Variants in TANC1 observed in about 807,000 individuals in gnomAD.
TANC1 encodes tetratricopeptide repeat, ankyrin repeat and coiled-coil containing 1.
In TANC1, 77 loss-of-function variants were observed where a neutral mutation model predicts 149.7. The ratio of observed to expected loss-of-function variants is 0.51; its 90% CI spans 0.43 to 0.62. The LOEUF is 0.62. TANC1 is among the 20% of genes least tolerant of loss of function. The probability of loss-of-function intolerance (pLI) is 0.00; values close to 1 mark genes in which losing one functional copy is unlikely to be tolerated. For missense variants in TANC1, 1,985 were observed against 2,321.8 expected (o/e 0.85, Z 2.98); for synonymous variants, 854 against 925.0 (o/e 0.92, Z 1.39).
chr2:158,993,855 T>G (rs1385161584), intron 1 of TANC1, among the ~76,000 whole-genome samples: 1 of 152,218 alleles, frequency 6.6e-6, no homozygotes, highest in Non-Finnish European at 1.5e-5. Flanking sequence ...TGAATTGCCT[T>G]TATTCCATAA....
At chr2:159,030,823 C>T (rs1012578587) in intron 2 of TANC1, among the ~76,000 whole-genome samples, 7 of 152,068 alleles carry the variant, frequency 4.6e-5, no homozygotes, top group African/African-American at 9.7e-5. Flanking sequence ...CTAATGCATC[C>T]GGAGGCACTG....
At chr2:159,101,635 C>T (rs567036072) in intron 4 of TANC1, among the ~76,000 whole-genome samples, 2 of 152,126 alleles carry the variant, frequency 1.3e-5, no homozygotes, top group Admixed American at 6.5e-5. Flanking sequence ...TAAAGTAGTT[C>T]TGTGGCAGTT....
intron 4 of TANC1, among the ~76,000 whole-genome samples, chr2:159,134,627 C>T (rs551353458): frequency 1.3e-5 from 2 of 152,122 alleles, no homozygotes; most frequent in East Asian, 1.9e-4. Context: ...GGATTACAGG[C>T]GCCCACTACC....
At chr2:159,094,527 G>C (rs1339456942) in intron 3 of TANC1, among the ~76,000 whole-genome samples, 2 of 152,178 alleles carry the variant, frequency 1.3e-5, no homozygotes, top group East Asian at 3.9e-4. Context: ...AGGGCATCCG[G>C]CTCCACTGCG....
chr2:159,106,926 C>G (rs2149993795), intron 4 of TANC1, among the ~76,000 whole-genome samples: 1 of 152,346 alleles, frequency 6.6e-6, no homozygotes, highest in South Asian at 2.1e-4. Flanking sequence ...ATTCTGAATA[C>G]AGATTCCTTA....
intron 11 of TANC1, among the ~76,000 whole-genome samples, chr2:159,173,303 G>A (rs1575089225): frequency 6.6e-6 from 1 of 152,038 alleles, no homozygotes; most frequent in Admixed American, 6.6e-5. Flanking sequence ...AAAAATTGTG[G>A]CTCTAAATTG....
intron 1 of TANC1, among the ~76,000 whole-genome samples, chr2:158,996,956 T>G (rs984007391): frequency 6.8e-6 from 1 of 147,810 alleles, no homozygotes; most frequent in Admixed American, 6.8e-5. Flanking sequence ...GTGTTGGGAG[T>G]GGGGCACTGA....
rs879276203 is a variant in TANC1 at position 159,063,794 on chromosome 2, G to T, written c.-15-2102G>T. Among the ~76,000 whole-genome samples the T allele has an allele frequency of 5.9e-4, 90 of 152,250 alleles. 1 individual carries two copies. The highest frequency in any genetic ancestry group is 1.2e-3 in the South Asian group (6 of 4,816). On this transcript the variant is annotated intron_variant, in intron 2 of 26. Coordinates refer to ENST00000263635, the MANE Select transcript of TANC1 (RefSeq NM_033394.3). ...GAGTGCCCCAAAATAGGAAAACAGG[G>T]TGTCTGGGATGAGATACCAGAGTCA...
intron 2 of TANC1, among the ~76,000 whole-genome samples, chr2:159,003,675 G>T (rs1229444166): frequency 6.6e-6 from 1 of 152,218 alleles, no homozygotes; most frequent in Non-Finnish European, 1.5e-5. Flanking sequence ...TGCGCTCCCG[G>T]GATAGGCTGC....
At chr2:159,135,566 G>A (rs2050581317) in intron 4 of TANC1, among the ~76,000 whole-genome samples, 1 of 152,282 alleles carries the variant, frequency 6.6e-6, no homozygotes, top group Non-Finnish European at 1.5e-5. Context: ...AGCAGGGGCT[G>A]TGGGAACAGG....
At chr2:159,008,571 A>T (rs1301468344) in intron 2 of TANC1, among the ~76,000 whole-genome samples, 1 of 152,214 alleles carries the variant, frequency 6.6e-6, no homozygotes, top group Non-Finnish European at 1.5e-5. Flanking sequence ...ATCTTACTGG[A>T]AAAACAAATG....
intron 2 of TANC1, among the ~76,000 whole-genome samples, chr2:159,008,082 A>G (rs771342310): frequency 1.3e-5 from 2 of 152,224 alleles, no homozygotes; most frequent in Non-Finnish European, 1.5e-5. Flanking sequence ...GCCCCTGTGG[A>G]TCAAAATCAA....
At chr2:159,152,463 A>AT (rs55894080) in intron 7 of TANC1, among the ~76,000 whole-genome samples, 28,810 of 117,888 alleles carry the variant, frequency 0.24, 4,161 homozygotes, top group Non-Finnish European at 0.36. Flanking sequence ...TTATAACCAA[A>AT]TTTTTTTTTT....
chr2:159,094,775 G>T (rs1444754836), intron 3 of TANC1, among the ~76,000 whole-genome samples: 67 of 142,774 alleles, frequency 4.7e-4, no homozygotes, highest in Non-Finnish European at 8.9e-4. Flanking sequence ...GTGTGTGTGT[G>T]GGGGGGGGGT....
intron 3 of TANC1, among the ~76,000 whole-genome samples, chr2:159,076,562 G>A (rs1006553750): frequency 1.3e-5 from 2 of 152,186 alleles, no homozygotes; most frequent in Non-Finnish European, 2.9e-5. Flanking sequence ...GATAGTTCCA[G>A]CAACATTTCC....
intron 3 of TANC1, among the ~76,000 whole-genome samples, chr2:159,094,767 G>A (rs1464288329): frequency 1.4e-5 from 2 of 142,590 alleles, no homozygotes; most frequent in African/African-American, 2.7e-5. Context: ...TGAAGCTTGT[G>A]TGTGTGTGGG....
At chr2:159,185,421 T>C (rs558643589) in intron 14 of TANC1, among the ~76,000 whole-genome samples, 21 of 152,344 alleles carry the variant, frequency 1.4e-4, no homozygotes, top group Admixed American at 3.3e-4. Context: ...AAGCCTAGAA[T>C]TCTCTGCTTT....
At chr2:159,192,744 C>T (rs2057544201) in intron 16 of TANC1, among the ~76,000 whole-genome samples, 1 of 152,132 alleles carries the variant, frequency 6.6e-6, no homozygotes, top group Non-Finnish European at 1.5e-5. Context: ...CCACCTCCTG[C>T]GTTCAAGCGA....
intron 2 of TANC1, among the ~76,000 whole-genome samples, chr2:159,008,645 A>C (rs556501698): frequency 2.8e-4 from 43 of 152,292 alleles, no homozygotes; most frequent in South Asian, 4.1e-4. Flanking sequence ...AGTTGTCTGA[A>C]TGTATGTGGT....
Sources: allele counts gnomAD v4.1 joint callset (sites outside exome capture counted in the v4.1 genomes callset), GRCh38; gene constraint gnomAD v4.1.1; transcripts MANE v1.5; gene names NCBI Gene and HGNC (gene_info 2026-07-23, HGNC 2026-07-21).